RIT2: variants seen among roughly 807,000 people sequenced by gnomAD.
RIT2 encodes GTP-binding protein Rit2.
RIT2 carries 24 observed loss-of-function variants against 23.7 expected under a neutral mutation model. The ratio of observed to expected loss-of-function variants is 1.01; its 90% CI spans 0.73 to 1.43. The LOEUF is 1.43. RIT2 is among the 40% of genes most tolerant of loss of function. RIT2 has a pLI of 0.00. For missense variants in RIT2, 236 were observed against 266.9 expected, an observed-to-expected ratio of 0.88 and a Z score of 0.81; for synonymous variants, 107 against 91.1, an observed-to-expected ratio of 1.17 and a Z score of -0.99.
At chr18:43,071,382 G>A (rs1024261678) in intron 1 of RIT2, among the ~76,000 whole-genome samples, 11 of 152,184 alleles carry the variant, frequency 7.2e-5, no homozygotes, top group East Asian at 1.9e-4. Context: ...TTGGGGTGGC[G>A]GGGGGCGAGG....
At chr18:42,896,218 C>T (rs571337055) in intron 4 of RIT2, among the ~76,000 whole-genome samples, 44 of 152,230 alleles carry the variant, frequency 2.9e-4, no homozygotes, top group African/African-American at 9.6e-4. Flanking sequence ...GAGCTGAGAT[C>T]GTGCCATTGC....
chr18:42,965,562 G>C (rs56320871), intron 3 of RIT2, among the ~76,000 whole-genome samples: 3,417 of 151,760 alleles, frequency 0.023, 135 homozygotes, highest in African/African-American at 0.079. Flanking sequence ...TCAATATATG[G>C]ACCATGTAAA....
chr18:42,750,845 G>A (rs1913029783), intron 4 of RIT2, among the ~76,000 whole-genome samples: 1 of 149,934 alleles, frequency 6.7e-6, no homozygotes, highest in Non-Finnish European at 1.5e-5. Flanking sequence ...GAAAACTTTT[G>A]AATCATAGGA....
At chr18:43,093,311 T>C (rs1382649157) in intron 1 of RIT2, among the ~76,000 whole-genome samples, 1 of 152,114 alleles carries the variant, frequency 6.6e-6, no homozygotes, top group African/African-American at 2.4e-5. Context: ...GAGTGGGCTG[T>C]ACCTCCCTCC....
At chr18:42,805,524 ATATAT>A (rs1345915911) in intron 4 of RIT2, among the ~76,000 whole-genome samples, 2 of 152,220 alleles carry the variant, frequency 1.3e-5, no homozygotes, top group Admixed American at 1.3e-4. Context: ...AGTAAATGTC[ATATAT>A]TATATTACAT....
chr18:42,743,593 T>C lies in RIT2; in HGVS notation c.554A>G (p.Glu185Gly), dbSNP rs1335690802. Reference sequence around the variant, plus strand: ...CTTTTCCATCAAGGATGGCATGGACTCCTTCTTGCGAATTTCCCTCACTAA... The same window carrying C: ...CTTTTCCATCAAGGATGGCATGGACCCCTTCTTGCGAATTTCCCTCACTAA... ...HGLVREIRKKESMPSLMEKKL... is the reference protein window; with the variant it reads ...HGLVREIRKKGSMPSLMEKKL... Residue 185 changes from glutamate (E) to glycine (G), a missense_variant, in exon 5 of 5, where the codon GAG (glutamate) becomes GGG (glycine). Coordinates refer to ENST00000326695, the MANE Select transcript of RIT2 (RefSeq NM_002930.4). 6.2e-7 allele frequency: 1 copy of C among 1,614,070 alleles called. No homozygotes were observed. Among genetic ancestry groups the C allele is most frequent in the South Asian group, 1.1e-5 (1 of 91,080 alleles).
chr18:43,000,476 G>A (rs1911078105), intron 2 of RIT2, among the ~76,000 whole-genome samples: 1 of 151,982 alleles, frequency 6.6e-6, no homozygotes, highest in African/African-American at 2.4e-5. Context: ...TCTATGGACA[G>A]GATGAAGAGA....
intron 2 of RIT2, among the ~76,000 whole-genome samples, chr18:42,995,501 T>C (rs908961231): frequency 6.6e-6 from 1 of 152,228 alleles, no homozygotes; most frequent in Non-Finnish European, 1.5e-5. Context: ...CCCACCTCTA[T>C]ATAGTCCTAT....
chr18:43,026,977 A>T (rs1002300603), intron 2 of RIT2, among the ~76,000 whole-genome samples: 2 of 152,178 alleles, frequency 1.3e-5, no homozygotes, highest in Admixed American at 1.3e-4. Context: ...AGACAGTGTC[A>T]GAAAAGCTGT....
At chr18:42,878,682 C>T (rs1907809130) in intron 4 of RIT2, among the ~76,000 whole-genome samples, 1 of 151,814 alleles carries the variant, frequency 6.6e-6, no homozygotes, top group African/African-American at 2.4e-5. Context: ...CCATTGGCAA[C>T]AACTTTCAAA....
chr18:43,020,417 C>T (rs1474715322), intron 2 of RIT2, among the ~76,000 whole-genome samples: 21 of 151,766 alleles, frequency 1.4e-4, no homozygotes, highest in African/African-American at 4.8e-4. Context: ...ACCTGGGAGG[C>T]GGAGGTTGCA....
intron 4 of RIT2, among the ~76,000 whole-genome samples, chr18:42,873,029 A>T (rs893259793): frequency 1.3e-5 from 2 of 152,114 alleles, no homozygotes; most frequent in African/African-American, 4.8e-5. Context: ...AAAGCCAAAG[A>T]TGTCATTAGA....
At chr18:42,769,843 T>TATAATA (rs149525390) in intron 4 of RIT2, among the ~76,000 whole-genome samples, 48,167 of 141,172 alleles carry the variant, frequency 0.34, 9,011 homozygotes, top group Middle Eastern at 0.42. Context: ...AAACTTAAAG[T>TATAATA]ATAATAATAA....
intron 4 of RIT2, among the ~76,000 whole-genome samples, chr18:42,884,243 C>T (rs956597899): frequency 6.6e-6 from 1 of 152,146 alleles, no homozygotes; most frequent in African/African-American, 2.4e-5. Context: ...GGTTGCTTGT[C>T]CCCTACTGGA....
intron 4 of RIT2, among the ~76,000 whole-genome samples, chr18:42,867,376 A>C (rs564299352): frequency 2.6e-4 from 39 of 152,232 alleles, no homozygotes; most frequent in African/African-American, 8.9e-4. Flanking sequence ...AAGCAGATGC[A>C]ACTGGTCTGG....
chr18:43,056,781 G>A (rs1297617391), intron 1 of RIT2, among the ~76,000 whole-genome samples: 1 of 152,110 alleles, frequency 6.6e-6, no homozygotes, highest in Non-Finnish European at 1.5e-5. Context: ...TGACAGTCAA[G>A]CATTTCCTGG....
intron 4 of RIT2, among the ~76,000 whole-genome samples, chr18:42,776,480 T>A (rs1446064331): frequency 6.6e-6 from 1 of 152,222 alleles, no homozygotes; most frequent in Non-Finnish European, 1.5e-5. Context: ...CTGTGTTCAT[T>A]GGAAATTATA....
chr18:42,774,059 T>C (rs960260366), intron 4 of RIT2, among the ~76,000 whole-genome samples: 2 of 152,196 alleles, frequency 1.3e-5, no homozygotes, highest in African/African-American at 4.8e-5. Context: ...AAGCAATTCA[T>C]CAGTGTCACC....
At chr18:43,009,711 T>C (rs1387882976) in intron 2 of RIT2, among the ~76,000 whole-genome samples, 1 of 151,770 alleles carries the variant, frequency 6.6e-6, no homozygotes, top group Non-Finnish European at 1.5e-5. Flanking sequence ...TTCTAAAACA[T>C]GTTCCACCCA....
Sources: gnomAD v4.1 joint callset for allele counts (sites outside exome capture counted in the v4.1 genomes callset) on GRCh38, gnomAD v4.1.1 for gene constraint, MANE v1.5 for transcripts, NCBI Gene and HGNC (gene_info 2026-07-23, HGNC 2026-07-21) for gene names.